The following CHURC1 variants were observed in gnomAD, a reference collection of about 807,000 sequenced individuals.
CHURC1 encodes churchill domain containing 1.
A neutral mutation model predicts 15.4 loss-of-function variants in CHURC1; 12 were observed. That is an observed-to-expected ratio of 0.78 (90% CI 0.50 to 1.27). The LOEUF is 1.27. Ranked by LOEUF, CHURC1 falls within the 50% of genes most tolerant of loss-of-function variation. The probability of loss-of-function intolerance (pLI) is 0.00; values close to 1 mark genes in which losing one functional copy is unlikely to be tolerated. For synonymous variants in CHURC1, 42 were observed against 47.5 expected, an observed-to-expected ratio of 0.88 and a Z score of 0.48; for missense variants, 132 against 137.8, an observed-to-expected ratio of 0.96 and a Z score of 0.21.
chr14:64,916,255 C>T (rs1019456760), intron 1 of CHURC1, among the ~76,000 whole-genome samples: 1 of 152,116 alleles, frequency 6.6e-6, no homozygotes, highest in Non-Finnish European at 1.5e-5. Flanking sequence ...CTGTAAGGAA[C>T]GTATACAATT....
intron 1 of CHURC1, among the ~76,000 whole-genome samples, chr14:64,922,434 A>G (rs1594894454): frequency 6.6e-6 from 1 of 151,846 alleles, no homozygotes; most frequent in Non-Finnish European, 1.5e-5. Context: ...AAAAATTAGC[A>G]GGGCGTGGTG....
intron 1 of CHURC1, among the ~76,000 whole-genome samples, chr14:64,921,592 A>C (rs1319283079): frequency 1.3e-5 from 2 of 152,228 alleles, no homozygotes; most frequent in Non-Finnish European, 2.9e-5. Context: ...AAGGAAACAA[A>C]AGTTAAAACT....
chr14:64,934,022 A>G lies in CHURC1; in HGVS notation c.*1792A>G. 1.0e-6 allele frequency: 1 copy of G among 972,092 alleles called. No individual in the cohort carries two copies. The allele number at this position is 972,092 out of a possible 1,614,324, so 60.2% of individuals were successfully genotyped here. A position where few individuals can be genotyped will look rare whatever the true frequency, so the allele number is the denominator to read the frequency against. On this transcript the variant is annotated 3_prime_UTR_variant, in exon 4 of 4. Coordinates refer to ENST00000549115, the MANE Select transcript of CHURC1 (RefSeq NM_001386928.1). ...TTCTTTATTTCAGTGTAGCACTTTT[A>G]GAGCCAAAAAAACTCAGGCACAAAG...
In CHURC1 at chr14:64,932,201, G is replaced by A. The variant is rs1885118219; in HGVS notation, c.310G>A (p.Asp104Asn). 5.0e-6 allele frequency: 8 copies of A among 1,613,968 alleles called. No homozygotes were observed. Among genetic ancestry groups the A allele is most frequent in the Non-Finnish European group, 6.8e-6 (8 of 1,179,924 alleles). Residue 104 changes from aspartate to asparagine, a missense_variant, in exon 4 of 4, where the codon GAC (aspartate) becomes AAC (asparagine). By Grantham distance (23) the Asp-to-Asn change is conservative. Transcript: ENST00000549115. ...AGATACTATCAGTATTCTCCCTGAT[G>A]ACCCCCGACAAATGACTCTCTTATT... is the stretch of plus-strand genomic sequence containing the variant. ...AEDTISILPD[D>N]PRQMTLLF is the part of the protein sequence containing the mutation.
At chr14:64,928,831 G>A (rs189880653) in intron 3 of CHURC1, among the ~76,000 whole-genome samples, 529 of 152,122 alleles carry the variant, frequency 3.5e-3, no homozygotes, top group Non-Finnish European at 5.7e-3. Flanking sequence ...TTTTCTCTTA[G>A]TTTTCTTTCC....
chr14:64,914,488 G>A lies in CHURC1; in HGVS notation c.-8G>A, dbSNP rs781559272. On this transcript the variant is annotated 5_prime_UTR_variant, in exon 1 of 4. Transcript: ENST00000549115. ...CGTTGGAGGACATTCCCTGTTGACTGCGTCGCGATGTGTGGCGACTGTGTG... is the reference window on the plus strand; with the variant it reads ...CGTTGGAGGACATTCCCTGTTGACTACGTCGCGATGTGTGGCGACTGTGTG... 3 of 1,614,166 alleles carry A rather than the reference G, an allele frequency of 1.9e-6. No individual in the cohort carries two copies. In the African/African-American group the frequency reaches 4.0e-5, roughly 22 times the overall value.
At chr14:64,917,495 A>G (rs1883971759) in intron 1 of CHURC1, among the ~76,000 whole-genome samples, 2 of 151,758 alleles carry the variant, frequency 1.3e-5, no homozygotes. Flanking sequence ...CCTGGGAGGC[A>G]GAGGTTGCAG....
chr14:64,922,862 G>A (rs553456771), intron 1 of CHURC1, among the ~76,000 whole-genome samples: 118 of 152,130 alleles, frequency 7.8e-4, no homozygotes, highest in Middle Eastern at 6.8e-3. Flanking sequence ...CTGGTGCTTG[G>A]AATCCAGAAA....
At chr14:64,919,700 T>C (rs1884134663) in intron 1 of CHURC1, among the ~76,000 whole-genome samples, 1 of 151,940 alleles carries the variant, frequency 6.6e-6, no homozygotes, top group South Asian at 2.1e-4. Flanking sequence ...CTGGCCAACA[T>C]GGTGAAACCC....
chr14:64,922,577 C>CAAAAA, intron 1 of CHURC1, among the ~76,000 whole-genome samples: 2 of 84,026 alleles, frequency 2.4e-5, no homozygotes, highest in Non-Finnish European at 5.1e-5. Flanking sequence ...GACTCCGTCT[C>CAAAAA]AAAAAAAAAA....
chr14:64,929,206 C>T (rs1223086160), intron 3 of CHURC1, among the ~76,000 whole-genome samples: 4 of 152,288 alleles, frequency 2.6e-5, no homozygotes, highest in East Asian at 1.9e-4. Flanking sequence ...CCTTTTACTC[C>T]GTAAGCGATG....
intron 1 of CHURC1, among the ~76,000 whole-genome samples, chr14:64,918,232 A>T (rs1884025144): frequency 1.3e-5 from 2 of 152,258 alleles, no homozygotes; most frequent in African/African-American, 4.8e-5. Context: ...ATGAAGAAGA[A>T]TTAAACTTTT....
At chr14:64,924,875 A>G (rs914808355) in intron 2 of CHURC1, among the ~76,000 whole-genome samples, 5 of 152,230 alleles carry the variant, frequency 3.3e-5, no homozygotes, top group African/African-American at 1.2e-4. Context: ...CCTTCTAAAC[A>G]CATGAGGAAT....
intron 1 of CHURC1, among the ~76,000 whole-genome samples, chr14:64,923,735 A>G (rs1033053687): frequency 6.7e-6 from 1 of 149,376 alleles, no homozygotes; most frequent in Non-Finnish European, 1.5e-5. Context: ...CTCCCTTTTC[A>G]ACATAGTGGC....
At chr14:64,928,163 A>G (rs1884850494) in intron 3 of CHURC1, among the ~76,000 whole-genome samples, 1 of 152,096 alleles carries the variant, frequency 6.6e-6, no homozygotes, top group Non-Finnish European at 1.5e-5. Context: ...GCATTTCCTC[A>G]GGAATCTCAT....
chr14:64,915,777 CTT>C (rs1207444625), intron 1 of CHURC1, among the ~76,000 whole-genome samples: 1 of 152,128 alleles, frequency 6.6e-6, no homozygotes, highest in Non-Finnish European at 1.5e-5. Flanking sequence ...CTTCTGAAGA[CTT>C]TTATAAATAA....
In CHURC1 at chr14:64,930,159, G is replaced by A. The variant is rs531888495; in HGVS notation, c.247-1979G>A. Among the ~76,000 whole-genome samples, 18 of 151,570 alleles carry A rather than the reference G, an allele frequency of 1.2e-4. No individual in the cohort carries two copies. In the South Asian group the frequency reaches 2.7e-3, roughly 23 times the overall value. On this transcript the variant is annotated intron_variant, in intron 3 of 3. Coordinates refer to ENST00000549115, the MANE Select transcript of CHURC1 (RefSeq NM_001386928.1). ...TCTGGTCTTACTCAGAGGTAATTCC[G>A]CCCACTCTGCTCTTCCCTCCAAATA...
chr14:64,924,074 CACAA>C lies in CHURC1; in HGVS notation c.129_132del (p.Lys44ProfsTer2). The C allele has an allele frequency of 1.9e-6, 3 of 1,607,428 alleles. No individual in the cohort carries two copies. The highest frequency in any genetic ancestry group is 1.7e-6 in the Non-Finnish European group (2 of 1,176,520). ...GCAGTAAGCGGGATTTTATGCTGAT[CACAA>C]ACAAATCCTTGAAAGAAGAAGATGG... On this transcript the variant is annotated frameshift_variant, in exon 2 of 4. Transcript: ENST00000549115. LOFTEE classifies it high-confidence loss of function.
At chr14:64,928,624 C>T (rs1490841128) in intron 3 of CHURC1, among the ~76,000 whole-genome samples, 1 of 152,116 alleles carries the variant, frequency 6.6e-6, no homozygotes, top group Non-Finnish European at 1.5e-5. Context: ...TTTTCATTTT[C>T]TCTGTGCTAA....
Sources: gnomAD v4.1 joint callset for allele counts (sites outside exome capture counted in the v4.1 genomes callset) on GRCh38, gnomAD v4.1.1 for gene constraint, MANE v1.5 for transcripts, NCBI Gene and HGNC (gene_info 2026-07-23, HGNC 2026-07-21) for gene names.